UBXN2A: variants seen among roughly 807,000 people sequenced by gnomAD.
The protein encoded by UBXN2A is UBX domain protein 2A.
UBXN2A carries 28 observed loss-of-function variants against 28.4 expected under a neutral mutation model. The ratio of observed to expected loss-of-function variants is 0.99; its 90% CI spans 0.73 to 1.35. The LOEUF (loss-of-function observed/expected upper bound fraction) is 1.35, where lower values mean the gene tolerates loss of function less well. UBXN2A is among the 40% of genes most tolerant of loss of function. The probability of loss-of-function intolerance (pLI) is 0.00; values close to 1 mark genes in which losing one functional copy is unlikely to be tolerated. For missense variants in UBXN2A, 253 were observed against 297.9 expected (o/e 0.85, Z 1.11); for synonymous variants, 97 against 103.6 (o/e 0.94, Z 0.39).
intron 1 of UBXN2A, among the ~76,000 whole-genome samples, chr2:23,950,335 G>A (rs531743020): frequency 1.3e-5 from 2 of 152,208 alleles, no homozygotes; most frequent in African/African-American, 4.8e-5. Context: ...GAATGAACAT[G>A]TTATGCTTTT....
At position 24,000,277 on chromosome 2, in the gene UBXN2A, T is replaced by A. The variant is rs957131061; in HGVS notation, c.*410T>A. The A allele has an allele frequency of 1.3e-5, 2 of 155,946 alleles. No homozygotes were observed. Among genetic ancestry groups the A allele is most frequent in the African/African-American group, 4.8e-5 (2 of 41,508 alleles). The allele number at this position is 155,946 out of a possible 1,614,324, so 9.7% of individuals were successfully genotyped here. On this transcript the variant is annotated 3_prime_UTR_variant, in exon 7 of 7. Coordinates refer to ENST00000309033, the MANE Select transcript of UBXN2A (RefSeq NM_181713.4). ...TAGCTAATACGACCGGGTACAGTGG[T>A]TCATGCCTGTAATCCCAGAACTTCG...
At chr2:23,937,321 G>A (rs1330425840), upstream of UBXN2A, among the ~76,000 whole-genome samples, 1 of 152,030 alleles carries the variant, frequency 6.6e-6, no homozygotes, top group Non-Finnish European at 1.5e-5. Context: ...CAAGCAGGAG[G>A]ATAGTTTGAG....
intron 1 of UBXN2A, among the ~76,000 whole-genome samples, chr2:23,928,244 GAAAGA>G (rs769170210): frequency 2.0e-5 from 3 of 149,702 alleles, no homozygotes; most frequent in Non-Finnish European, 4.4e-5. Context: ...GAAAAAGAAA[GAAAGA>G]AAAGCTCTGC....
chr2:23,935,125 C>T (rs947205873), intron 1 of UBXN2A, among the ~76,000 whole-genome samples: 3 of 151,936 alleles, frequency 2.0e-5, no homozygotes, highest in African/African-American at 7.3e-5. Flanking sequence ...AGAGCTAAAG[C>T]TATAAAATGC....
intron 2 of UBXN2A, among the ~76,000 whole-genome samples, chr2:23,970,151 G>A (rs1031570073): frequency 6.6e-6 from 1 of 151,952 alleles, no homozygotes; most frequent in Non-Finnish European, 1.5e-5. Flanking sequence ...GGACATGGTG[G>A]TTGGAGCCTG....
At chr2:23,972,925 A>G (rs538922448) in intron 3 of UBXN2A, among the ~76,000 whole-genome samples, 10 of 152,200 alleles carry the variant, frequency 6.6e-5, no homozygotes, top group Middle Eastern at 3.2e-3. Flanking sequence ...AAGTATTTCT[A>G]CAATATACAG....
chr2:23,999,649 T>G (rs1708666646), intron 6 of UBXN2A, 23 bp from the exon 7 acceptor site: 1 of 1,584,616 alleles, frequency 6.3e-7, no homozygotes, highest in East Asian at 2.2e-5. Context: ...AAAATTATAT[T>G]AATAGTTTTT....
intron 2 of UBXN2A, among the ~76,000 whole-genome samples, chr2:23,962,203 T>C (rs1364275847): frequency 6.6e-6 from 1 of 152,220 alleles, no homozygotes; most frequent in African/African-American, 2.4e-5. Flanking sequence ...TGAAGTTCTA[T>C]GTTTACCATA....
intron 4 of UBXN2A, among the ~76,000 whole-genome samples, chr2:23,977,697 A>G (rs1361234141): frequency 1.3e-5 from 2 of 152,246 alleles, no homozygotes; most frequent in Non-Finnish European, 2.9e-5. Flanking sequence ...CTTTGTAATC[A>G]GAAGATATTT....
intron 3 of UBXN2A, among the ~76,000 whole-genome samples, chr2:23,974,693 A>G (rs1707580523): frequency 6.6e-6 from 1 of 152,190 alleles, no homozygotes; most frequent in Non-Finnish European, 1.5e-5. Flanking sequence ...AATTGCCACT[A>G]TAGGCTGGGC....
intron 2 of UBXN2A, 90 bp downstream of exon 2, chr2:23,958,445 G>A: frequency 7.7e-7 from 1 of 1,290,478 alleles, no homozygotes; most frequent in Non-Finnish European, 1.1e-6. Context: ...AGATAGTAGA[G>A]TACGTTTTAA....
At chr2:23,977,728 G>T (rs746133942) in intron 4 of UBXN2A, among the ~76,000 whole-genome samples, 5 of 152,024 alleles carry the variant, frequency 3.3e-5, no homozygotes, top group Admixed American at 1.3e-4. Flanking sequence ...TTTGGTGAAA[G>T]AATCCATTTT....
chr2:23,964,930 C>T (rs929957463), intron 2 of UBXN2A, among the ~76,000 whole-genome samples: 5 of 152,166 alleles, frequency 3.3e-5, no homozygotes, highest in Admixed American at 1.3e-4. Flanking sequence ...CATTTCTTGA[C>T]CCCAGGAGTT....
At chr2:23,973,047 A>C (rs569324409) in intron 3 of UBXN2A, among the ~76,000 whole-genome samples, 3 of 151,936 alleles carry the variant, frequency 2.0e-5, no homozygotes, top group Non-Finnish European at 4.4e-5. Context: ...GGATATTCCA[A>C]CTCACTCTGT....
chr2:23,993,272 A>ATCTTGACTTGTT (rs1227348007), intron 6 of UBXN2A, among the ~76,000 whole-genome samples: 1 of 152,206 alleles, frequency 6.6e-6, no homozygotes, highest in South Asian at 2.1e-4. Context: ...ATAAATTTTA[A>ATCTTGACTTGTT]TCTTGACTTG....
In UBXN2A at chr2:23,999,953, G is replaced by C; in HGVS notation, c.*86G>C. ...CCAAAATTGGGGATTGGAGAAGTCA[G>C]ACTCACTAGACTTTTGGTTCGAGTA... is the stretch of plus-strand genomic sequence containing the variant. On this transcript the variant is annotated 3_prime_UTR_variant, in exon 7 of 7. Coordinates refer to ENST00000309033, the MANE Select transcript of UBXN2A (RefSeq NM_181713.4). 11 of 1,356,138 alleles carry C rather than the reference G, an allele frequency of 8.1e-6. No homozygotes were observed. The highest frequency in any genetic ancestry group is 9.2e-6 in the Non-Finnish European group (9 of 983,596). 84.0% of individuals were successfully genotyped at this position (1,356,138 alleles called of 1,614,324 possible). A position where few individuals can be genotyped will look rare whatever the true frequency, so the allele number is the denominator to read the frequency against.
chr2:23,976,248 A>G (rs989803545), intron 3 of UBXN2A, among the ~76,000 whole-genome samples: 1 of 152,146 alleles, frequency 6.6e-6, no homozygotes, highest in African/African-American at 2.4e-5. Context: ...AAATTTTTCT[A>G]AGGGAAGATT....
At chr2:23,979,219 C>T (rs1474431388) in intron 4 of UBXN2A, among the ~76,000 whole-genome samples, 2 of 151,436 alleles carry the variant, frequency 1.3e-5, no homozygotes, top group African/African-American at 4.9e-5. Context: ...TAGCAGGCGC[C>T]TGTAATCCCA....
rs1708771072 is a variant in UBXN2A, at chr2:24,004,882, C to G, written c.*5015C>G. On this transcript the variant is annotated 3_prime_UTR_variant, in exon 7 of 7. Transcript: ENST00000309033. ...CAGTTGAAGAACTGTTAATGAAATA[C>G]TGTTCATTAAAAGGATCTGTGAAAT... The G allele has an allele frequency of 6.6e-6, 1 of 152,148 alleles. No individual in the cohort carries two copies. Among genetic ancestry groups the G allele is most frequent in the South Asian group, 2.1e-4 (1 of 4,830 alleles). The allele number at this position is 152,148 out of a possible 1,614,324, so 9.4% of individuals were successfully genotyped here. A position where few individuals can be genotyped will look rare whatever the true frequency, so the allele number is the denominator to read the frequency against.
Sources: allele counts gnomAD v4.1 joint callset (sites outside exome capture counted in the v4.1 genomes callset), GRCh38; gene constraint gnomAD v4.1.1; transcripts MANE v1.5; gene names NCBI Gene and HGNC (gene_info 2026-07-23, HGNC 2026-07-21).